The following INPP4B variants were observed in gnomAD, a reference collection of about 807,000 sequenced individuals.
The protein encoded by INPP4B is inositol polyphosphate 4-phosphatase type II.
A neutral mutation model predicts 122.5 loss-of-function variants in INPP4B; 55 were observed. That is an observed-to-expected ratio of 0.45 (90% CI 0.36 to 0.56). INPP4B has a LOEUF of 0.56. Ranked by LOEUF, INPP4B falls within the 20% of genes least tolerant of loss-of-function variation. The pLI is 0.00. For missense variants in INPP4B, 1,000 were observed against 1,097.7 expected, an observed-to-expected ratio of 0.91 and a Z score of 1.26; for synonymous variants, 403 against 388.7, an observed-to-expected ratio of 1.04 and a Z score of -0.43.
intron 1 of INPP4B, among the ~76,000 whole-genome samples, chr4:142,768,723 T>C (rs1772547600): frequency 6.6e-6 from 1 of 151,212 alleles, no homozygotes; most frequent in South Asian, 2.1e-4. Flanking sequence ...AGAAAGAACA[T>C]GAAGCTTTTA....
chr4:142,717,382 CAGA>C (rs1385802601), intron 2 of INPP4B, among the ~76,000 whole-genome samples: 7 of 152,088 alleles, frequency 4.6e-5, no homozygotes, highest in African/African-American at 1.7e-4. Context: ...CCCAGTTTTG[CAGA>C]AGAAGGCAAT....
rs1240740273 is a variant in INPP4B, at chr4:142,108,198, C to A, written c.2277-8G>T. The A allele has an allele frequency of 6.6e-7, 1 of 1,525,904 alleles. No homozygotes were observed. Among genetic ancestry groups the A allele is most frequent in the Non-Finnish European group, 9.1e-7 (1 of 1,103,830 alleles). The allele number at this position is 1,525,904 out of a possible 1,614,324, so 94.5% of individuals were successfully genotyped here. ...AAAGAGACATCTCCAAACCTACAAACAGAAAAAAGAAAACAGCTGTGGGTT... is the reference window on the plus strand; with the variant it reads ...AAAGAGACATCTCCAAACCTACAAAAAGAAAAAAGAAAACAGCTGTGGGTT... On this transcript the variant is annotated splice_polypyrimidine_tract_variant and splice_region_variant and intron_variant, in intron 22 of 25. Transcript: ENST00000262992.
At chr4:142,356,671 A>C (rs1180178660) in intron 7 of INPP4B, among the ~76,000 whole-genome samples, 1 of 151,892 alleles carries the variant, frequency 6.6e-6, no homozygotes, top group Non-Finnish European at 1.5e-5. Flanking sequence ...TGTTAGGTGC[A>C]TCTTTTGTCC....
intron 16 of INPP4B, among the ~76,000 whole-genome samples, chr4:142,170,142 T>C (rs1245925795): frequency 6.6e-6 from 1 of 151,750 alleles, no homozygotes; most frequent in African/African-American, 2.4e-5. Flanking sequence ...TACTGTATGT[T>C]AAAATTTTGG....
At chr4:142,129,068 A>C (rs917719225) in intron 18 of INPP4B, among the ~76,000 whole-genome samples, 2 of 152,244 alleles carry the variant, frequency 1.3e-5, no homozygotes, top group African/African-American at 4.8e-5. Context: ...TTGCACATGC[A>C]TTAAACTTTA....
chr4:142,443,188 T>A (rs1812190250), intron 3 of INPP4B, among the ~76,000 whole-genome samples: 1 of 152,132 alleles, frequency 6.6e-6, no homozygotes, highest in Non-Finnish European at 1.5e-5. Context: ...TGGGCTAGCA[T>A]GAGAATATAA....
chr4:142,653,912 C>G (rs1431468386), intron 2 of INPP4B, among the ~76,000 whole-genome samples: 1 of 152,180 alleles, frequency 6.6e-6, no homozygotes, highest in Non-Finnish European at 1.5e-5. Context: ...TATAAAGACA[C>G]ATGCACACAT....
chr4:142,235,644 C>T (rs1856392197), intron 12 of INPP4B, among the ~76,000 whole-genome samples: 4 of 152,164 alleles, frequency 2.6e-5, no homozygotes, highest in Admixed American at 1.3e-4. Context: ...CCAGGATGGT[C>T]TCGATCTCCT....
At chr4:142,646,065 A>G (rs1326348030) in intron 2 of INPP4B, among the ~76,000 whole-genome samples, 2 of 152,196 alleles carry the variant, frequency 1.3e-5, no homozygotes, top group African/African-American at 4.8e-5. Context: ...GGATGACTGC[A>G]AAGGAGAACA....
intron 2 of INPP4B, among the ~76,000 whole-genome samples, chr4:142,504,745 G>A (rs146206266): frequency 0.01 from 1,574 of 152,108 alleles, 12 homozygotes; most frequent in Non-Finnish European, 0.015. Flanking sequence ...GAAAGATACA[G>A]AAAAATGTGT....
At chr4:142,244,386 G>A (rs1360801990) in intron 11 of INPP4B, among the ~76,000 whole-genome samples, 9 of 134,386 alleles carry the variant, frequency 6.7e-5, no homozygotes, top group South Asian at 5.0e-4. Flanking sequence ...TGCAAGCTCC[G>A]CCTCCTAGGT....
chr4:142,194,004 ATAG>A (rs1837141214), intron 14 of INPP4B, among the ~76,000 whole-genome samples: 1 of 152,186 alleles, frequency 6.6e-6, no homozygotes, highest in Non-Finnish European at 1.5e-5. Context: ...ACCTAATTTC[ATAG>A]TAGATCCTTT....
rs1043525837 is a variant in INPP4B at position 142,056,636 on chromosome 4, G to T, written c.2642+25395C>A. On this transcript the variant is annotated intron_variant, in intron 25 of 25. Transcript: ENST00000262992. ...TTGAGGCCTCAGAAAGAAGCTACTT[G>T]TCAGATGTTTTGGTTGGTAACAAAG... Among the ~76,000 whole-genome samples, 4 of 152,230 alleles carry T rather than the reference G, an allele frequency of 2.6e-5. No individual in the cohort carries two copies. In the East Asian group the frequency reaches 7.7e-4, roughly 29 times the overall value.
intron 16 of INPP4B, among the ~76,000 whole-genome samples, chr4:142,166,845 T>C (rs1023879202): frequency 6.6e-6 from 1 of 151,880 alleles, no homozygotes; most frequent in African/African-American, 2.4e-5. Flanking sequence ...TGAGATACTG[T>C]CTCATGCCAG....
At chr4:142,690,453 T>A (rs1321384157) in intron 2 of INPP4B, among the ~76,000 whole-genome samples, 1 of 152,178 alleles carries the variant, frequency 6.6e-6, no homozygotes, top group Non-Finnish European at 1.5e-5. Flanking sequence ...CCCACCCTCT[T>A]CAGTGGTTTT....
At chr4:142,797,168 C>T (rs1295973006) in intron 1 of INPP4B, among the ~76,000 whole-genome samples, 3 of 151,850 alleles carry the variant, frequency 2.0e-5, no homozygotes, top group Non-Finnish European at 4.4e-5. Context: ...ATGGAATGTT[C>T]CTAGTGTCCT....
intron 12 of INPP4B, among the ~76,000 whole-genome samples, chr4:142,212,456 T>C (rs1044844135): frequency 1.3e-5 from 2 of 152,308 alleles, no homozygotes; most frequent in African/African-American, 4.8e-5. Flanking sequence ...TTCTTGCTTC[T>C]ATGGAGTCTT....
intron 2 of INPP4B, among the ~76,000 whole-genome samples, chr4:142,536,613 C>T (rs913367022): frequency 1.3e-5 from 2 of 152,106 alleles, no homozygotes; most frequent in African/African-American, 4.8e-5. Context: ...TTGTCTCTTC[C>T]TGCACTTCAC....
rs981205506 is a variant in INPP4B, at chr4:142,337,661, C to T, written c.373-22899G>A. 4.3e-5 allele frequency among the ~76,000 whole-genome samples: 5 copies of T among 116,120 alleles called. No homozygotes were observed. In the South Asian group the frequency reaches 1.7e-3, roughly 40 times the overall value. The allele number at this position is 116,120 out of a possible 152,430, so 76.2% of individuals were successfully genotyped here. ...TATTTATCTCATCTTAATTTGTAGG[C>T]ATCCTTTATTCATTATATATATATT... On this transcript the variant is annotated intron_variant, in intron 7 of 25. Transcript: ENST00000262992.
Sources: allele counts gnomAD v4.1 joint callset (sites outside exome capture counted in the v4.1 genomes callset), GRCh38; gene constraint gnomAD v4.1.1; transcripts MANE v1.5; gene names NCBI Gene and HGNC (gene_info 2026-07-23, HGNC 2026-07-21).